SAE1: variants seen among roughly 807,000 people sequenced by gnomAD.
SAE1 encodes the protein SUMO1 activating enzyme subunit 1, also known as SUMO-activating enzyme subunit 1.
A neutral mutation model predicts 40.6 loss-of-function variants in SAE1; 11 were observed. The ratio of observed to expected loss-of-function variants is 0.27; its 90% CI spans 0.17 to 0.45. The LOEUF (loss-of-function observed/expected upper bound fraction) is 0.45. Among genes scored for constraint, SAE1 ranks in the 20% least tolerant of loss-of-function variants. The probability of loss-of-function intolerance (pLI) is 1.00; values close to 1 mark genes in which losing one functional copy is unlikely to be tolerated. For missense variants in SAE1, 373 were observed against 427.3 expected, an observed-to-expected ratio of 0.87 and a Z score of 1.12; for synonymous variants, 155 against 154.3, an observed-to-expected ratio of 1.00 and a Z score of -0.03.
chr19:47,133,820 G>A (rs1334023706), intron 1 of SAE1, among the ~76,000 whole-genome samples: 2 of 151,982 alleles, frequency 1.3e-5, no homozygotes, highest in Non-Finnish European at 2.9e-5. Context: ...GTGGGGTCGG[G>A]GAAGAGTCAG....
At chr19:47,188,482 T>C (rs891747365) in intron 6 of SAE1, among the ~76,000 whole-genome samples, 1 of 152,108 alleles carries the variant, frequency 6.6e-6, no homozygotes, top group African/African-American at 2.4e-5. Context: ...GCTGAATTAA[T>C]GGTAATGCAG....
At chr19:47,179,560 T>A (rs142615650) in intron 6 of SAE1, among the ~76,000 whole-genome samples, 1 of 152,042 alleles carries the variant, frequency 6.6e-6, no homozygotes, top group East Asian at 1.9e-4. Flanking sequence ...AGGGATTTTG[T>A]TTTCAGATGA....
chr19:47,139,980 C>G (rs1485578679), intron 1 of SAE1, among the ~76,000 whole-genome samples: 1 of 147,450 alleles, frequency 6.8e-6, no homozygotes, highest in Non-Finnish European at 1.5e-5. Flanking sequence ...CTCTTTCGTC[C>G]AGGCTGAAGT....
chr19:47,185,615 T>C (rs192349376), intron 6 of SAE1, among the ~76,000 whole-genome samples: 1 of 151,930 alleles, frequency 6.6e-6, no homozygotes, highest in East Asian at 2.0e-4. Context: ...TATTTTTGTT[T>C]TTTTGAGACA....
chr19:47,138,582 C>T (rs750510316), intron 1 of SAE1, among the ~76,000 whole-genome samples: 4 of 152,144 alleles, frequency 2.6e-5, no homozygotes, highest in Non-Finnish European at 4.4e-5. Context: ...TAATTCACAG[C>T]CATTTGAGTA....
chr19:47,159,899 G>A (rs932298811), intron 5 of SAE1, among the ~76,000 whole-genome samples: 3 of 152,080 alleles, frequency 2.0e-5, no homozygotes, highest in African/African-American at 7.2e-5. Flanking sequence ...TCTCCATATT[G>A]GCCAGGCTGG....
At chr19:47,189,906 C>T (rs1354639449) in intron 6 of SAE1, among the ~76,000 whole-genome samples, 3 of 152,118 alleles carry the variant, frequency 2.0e-5, no homozygotes, top group Non-Finnish European at 4.4e-5. Context: ...TCCAGATTCC[C>T]GTTATAGCGC....
chr19:47,201,758 C>T (rs1233860422), intron 7 of SAE1, among the ~76,000 whole-genome samples: 2 of 151,822 alleles, frequency 1.3e-5, no homozygotes, highest in Non-Finnish European at 2.9e-5. Flanking sequence ...CTCAGCCTCC[C>T]GAGTATCTGG....
chr19:47,181,416 A>G (rs1288185455), intron 6 of SAE1, among the ~76,000 whole-genome samples: 2 of 149,306 alleles, frequency 1.3e-5, no homozygotes, highest in African/African-American at 4.9e-5. Flanking sequence ...AGTTATGATA[A>G]TTGTCTCATG....
intron 8 of SAE1, among the ~76,000 whole-genome samples, chr19:47,207,801 A>AT (rs2058693717): frequency 6.6e-6 from 1 of 151,602 alleles, no homozygotes; most frequent in African/African-American, 2.4e-5. Context: ...CATCCAACTA[A>AT]TTTTTTTTAT....
intron 2 of SAE1, among the ~76,000 whole-genome samples, chr19:47,148,400 G>A (rs1217688577): frequency 6.6e-6 from 1 of 152,032 alleles, no homozygotes; most frequent in African/African-American, 2.4e-5. Flanking sequence ...TAGTCTTGGT[G>A]AAGGTGGCAA....
At chr19:47,161,203 C>G (rs1460500366) in intron 5 of SAE1, among the ~76,000 whole-genome samples, 2 of 133,686 alleles carry the variant, frequency 1.5e-5, no homozygotes, top group East Asian at 4.4e-4. Context: ...TTTTTGAGAT[C>G]TCTTGCTGTG....
At chr19:47,133,199 T>C (rs2058157936) in intron 1 of SAE1, among the ~76,000 whole-genome samples, 2 of 152,134 alleles carry the variant, frequency 1.3e-5, no homozygotes, top group African/African-American at 2.4e-5. Flanking sequence ...GTGTTTTGAG[T>C]GTGGGAGTAA....
At chr19:47,184,839 T>C (rs1460980946) in intron 6 of SAE1, among the ~76,000 whole-genome samples, 2 of 137,056 alleles carry the variant, frequency 1.5e-5, no homozygotes, top group Non-Finnish European at 3.0e-5. Context: ...TTTTGTTTTG[T>C]TTTTGAGACA....
chr19:47,186,564 T>C (rs2058545766), intron 6 of SAE1, among the ~76,000 whole-genome samples: 1 of 152,068 alleles, frequency 6.6e-6, no homozygotes, highest in East Asian at 1.9e-4. Context: ...TTGGGTTGAG[T>C]CATCCTGGTC....
chr19:47,150,422 G>T, intron 3 of SAE1, 47 bp downstream of exon 3: 1 of 1,453,132 alleles, frequency 6.9e-7, no homozygotes, highest in Non-Finnish European at 9.4e-7. Context: ...AACAAATTAA[G>T]GTGCTAGTTG....
intron 6 of SAE1, among the ~76,000 whole-genome samples, chr19:47,182,584 C>T (rs985389434): frequency 2.0e-5 from 3 of 151,766 alleles, no homozygotes; most frequent in Non-Finnish European, 2.9e-5. Context: ...GAAGGCACCA[C>T]CATGGAAACA....
chr19:47,142,900 T>G (rs2058230662), intron 1 of SAE1, among the ~76,000 whole-genome samples: 1 of 152,228 alleles, frequency 6.6e-6, no homozygotes, highest in South Asian at 2.1e-4. Flanking sequence ...ACATATTATG[T>G]ATCTATTTGT....
intron 7 of SAE1, among the ~76,000 whole-genome samples, chr19:47,202,926 G>T (rs1406661324): frequency 6.6e-6 from 1 of 152,118 alleles, no homozygotes; most frequent in Non-Finnish European, 1.5e-5. Context: ...AGTCTAGAAG[G>T]ATGTGCACCA....
Sources: allele counts gnomAD v4.1 joint callset (sites outside exome capture counted in the v4.1 genomes callset), GRCh38; gene constraint gnomAD v4.1.1; transcripts MANE v1.5; gene names NCBI Gene and HGNC (gene_info 2026-07-23, HGNC 2026-07-21).